Variants in PHF5A observed in about 807,000 individuals in gnomAD.
PHF5A encodes PHD finger-like domain-containing protein 5A.
For missense variants in PHF5A, 24 were observed against 140.6 expected, an observed-to-expected ratio of 0.17 and a Z score of 4.19; for synonymous variants, 52 against 46.0, an observed-to-expected ratio of 1.13 and a Z score of -0.52.
Position 41,467,314 on chromosome 22 carries a change from C to T in PHF5A, c.243+134G>A. The T allele has an allele frequency of 5.6e-6, 5 of 886,172 alleles. No homozygotes were observed. The East Asian group carries it at 1.1e-4, about 20-fold the overall frequency. 54.9% of individuals were successfully genotyped at this position (886,172 alleles called of 1,614,324 possible). A position where few individuals can be genotyped will look rare whatever the true frequency, so the allele number is the denominator to read the frequency against. ...ATTGGACTACACCCAGTTTGACTCA[C>T]AGAACTTGAAGAAATTATAACCTAG... is the stretch of plus-strand genomic sequence containing the variant. On this transcript the variant is annotated intron_variant, in intron 3 of 3. Transcript: ENST00000216252.
At position 41,460,279 on chromosome 22, in the gene PHF5A, A is replaced by G; in HGVS notation, c.*119T>C. On this transcript the variant is annotated 3_prime_UTR_variant, in exon 4 of 4. Transcript: ENST00000216252. ...GGAGGGGGTGGCAAGCTGCCAGTAC[A>G]CTAGCAGGCACTCCTGGTGATGCTC... 1.3e-6 allele frequency: 1 copy of G among 748,616 alleles called. No individual in the cohort carries two copies. Among genetic ancestry groups the G allele is most frequent in the Non-Finnish European group, 2.2e-6 (1 of 462,882 alleles). The allele number at this position is 748,616 out of a possible 1,614,324, so 46.4% of individuals were successfully genotyped here.
chr22:41,467,329 T>G, intron 3 of PHF5A, 119 bp downstream of exon 3: 1 of 1,010,418 alleles, frequency 9.9e-7, no homozygotes, highest in Non-Finnish European at 1.4e-6. Context: ...CTTGAAGAAA[T>G]TATAACCTAG....
intron 3 of PHF5A, among the ~76,000 whole-genome samples, chr22:41,463,138 C>T (rs941089285): frequency 6.6e-6 from 1 of 152,016 alleles, no homozygotes; most frequent in African/African-American, 2.4e-5. Context: ...TCCCAAAGCG[C>T]TGGGATTACA....
chr22:41,463,616 TC>T (rs200502377), intron 3 of PHF5A, among the ~76,000 whole-genome samples: 5 of 58,520 alleles, frequency 8.5e-5, no homozygotes, highest in African/African-American at 2.0e-4. Flanking sequence ...TCCCAGCTAC[TC>T]AGGGGGCTGA....
rs373283292 is a variant in PHF5A at position 41,463,677 on chromosome 22, A to G, written c.244-3190T>C. On this transcript the variant is annotated intron_variant, in intron 3 of 3. Coordinates refer to ENST00000216252, the MANE Select transcript of PHF5A (RefSeq NM_032758.4). ...GAGGCATAGGTTGCAGTGAGCCAAG[A>G]TCACACCACTGCACTCCATCCTGGG... 2.8e-5 allele frequency among the ~76,000 whole-genome samples: 4 copies of G among 143,526 alleles called. No individual in the cohort carries two copies. In the East Asian group the frequency reaches 8.5e-4, roughly 31 times the overall value. 94.2% of individuals were successfully genotyped at this position (143,526 alleles called of 152,430 possible). A position where few individuals can be genotyped will look rare whatever the true frequency, so the allele number is the denominator to read the frequency against.
chr22:41,460,016 A>C lies in PHF5A; in HGVS notation c.*382T>G, dbSNP rs1223633091. On this transcript the variant is annotated 3_prime_UTR_variant, in exon 4 of 4. Coordinates refer to ENST00000216252, the MANE Select transcript of PHF5A (RefSeq NM_032758.4). ...AGCTGCCACCAGAGCTGCTGCAAGA[A>C]CATGTTTTTCACTGGGCGTCGCTTC... 3.3e-5 allele frequency: 5 copies of C among 149,336 alleles called. No individual in the cohort carries two copies. The highest frequency in any genetic ancestry group is 2.0e-4 in the Admixed American group (3 of 14,746). 9.3% of individuals were successfully genotyped at this position (149,336 alleles called of 1,614,324 possible). A position where few individuals can be genotyped will look rare whatever the true frequency, so the allele number is the denominator to read the frequency against.
intron 3 of PHF5A, 146 bp downstream of exon 3, chr22:41,467,302 C>T: frequency 2.6e-6 from 2 of 757,140 alleles, no homozygotes; most frequent in East Asian, 5.7e-5. Context: ...GGACTACACC[C>T]AGTTTGACTC....
In PHF5A at chr22:41,465,709, A is replaced by C. The variant is rs557957623; in HGVS notation, c.243+1739T>G. Among the ~76,000 whole-genome samples, 556 of 152,076 alleles carry C rather than the reference A, an allele frequency of 3.7e-3. 3 individuals are homozygous for C. Among genetic ancestry groups the C allele is most frequent in the Non-Finnish European group, 6.0e-3 (410 of 67,984 alleles). The stretch of plus-strand genomic sequence containing the variant: ...AACCTGGCCAGCATAGTGAAACCCC[A>C]TCTCTACTAAAAATACAAAAACTAG... On this transcript the variant is annotated intron_variant, in intron 3 of 3. Transcript: ENST00000216252.
intron 3 of PHF5A, among the ~76,000 whole-genome samples, chr22:41,463,093 C>T (rs949869534): frequency 2.6e-5 from 4 of 151,682 alleles, no homozygotes; most frequent in African/African-American, 4.8e-5. Context: ...AGTCTGGTCT[C>T]GAACTCCTGA....
At chr22:41,467,673 C>T (rs1480313314) in intron 2 of PHF5A, 59 bp from the exon 3 acceptor site, 4 of 1,569,892 alleles carry the variant, frequency 2.5e-6, no homozygotes, top group East Asian at 2.2e-5. Context: ...CTATCTCCTG[C>T]CATGGGGAAA....
intron 2 of PHF5A, among the ~76,000 whole-genome samples, chr22:41,467,830 G>T (rs1294765396): frequency 2.0e-5 from 3 of 152,202 alleles, no homozygotes; most frequent in African/African-American, 7.2e-5. Context: ...TATGTGAAGA[G>T]CTTAGAAAAG....
chr22:41,465,920 T>C (rs1054403165), intron 3 of PHF5A, among the ~76,000 whole-genome samples: 4 of 151,954 alleles, frequency 2.6e-5, no homozygotes, highest in East Asian at 3.9e-4. Context: ...AAGGACAACA[T>C]AGTGAAATAA....
chr22:41,463,758 G>A (rs2037844957), intron 3 of PHF5A, among the ~76,000 whole-genome samples: 1 of 149,306 alleles, frequency 6.7e-6, no homozygotes, highest in African/African-American at 2.5e-5. Context: ...GCCAGGCATG[G>A]TGGCATGTGC....
At chr22:41,462,719 A>T (rs1198150550) in intron 3 of PHF5A, among the ~76,000 whole-genome samples, 1 of 151,996 alleles carries the variant, frequency 6.6e-6, no homozygotes, top group Non-Finnish European at 1.5e-5. Flanking sequence ...TTCTCTTGGG[A>T]CTTATATTAC....
In PHF5A at chr22:41,467,558, T is replaced by G; in HGVS notation, c.133A>C (p.Ile45Leu). ...GATCCATAGTTACACTCATCACATA[T>G]GCGCACCAGAGTGCAGGGACGCACA... ...SYVRPCTLVR[I>L]CDECNYGSYQ... Residue 45 changes from isoleucine to leucine, a missense_variant, in exon 3 of 4, where the codon ATA (isoleucine) becomes CTA (leucine). By Grantham distance (5) the Ile-to-Leu change is conservative (BLOSUM62 2). Coordinates refer to ENST00000216252, the MANE Select transcript of PHF5A (RefSeq NM_032758.4). 1 of 1,614,196 alleles carries G rather than the reference T, an allele frequency of 6.2e-7. No individual in the cohort carries two copies. Among genetic ancestry groups the G allele is most frequent in the Non-Finnish European group, 8.5e-7 (1 of 1,180,042 alleles).
chr22:41,467,252 T>G (rs145693596), intron 3 of PHF5A, among the ~76,000 whole-genome samples, 196 bp downstream of exon 3: 2 of 152,078 alleles, frequency 1.3e-5, no homozygotes, highest in African/African-American at 4.8e-5. Context: ...TTTGCTTCCC[T>G]TGCATTCTTC....
chr22:41,463,840 G>GC (rs1254173420), intron 3 of PHF5A, among the ~76,000 whole-genome samples: 1 of 151,184 alleles, frequency 6.6e-6, no homozygotes, highest in Non-Finnish European at 1.5e-5. Context: ...ATTGTAATGA[G>GC]CCGAGATCGT....
intron 3 of PHF5A, among the ~76,000 whole-genome samples, chr22:41,464,555 G>A (rs1399035705): frequency 6.6e-6 from 1 of 152,232 alleles, no homozygotes; most frequent in African/African-American, 2.4e-5. Context: ...GTGACATCTA[G>A]AATAAGTCTC....
chr22:41,465,436 T>G (rs1312099130), intron 3 of PHF5A, among the ~76,000 whole-genome samples: 1 of 152,102 alleles, frequency 6.6e-6, no homozygotes, highest in Non-Finnish European at 1.5e-5. Flanking sequence ...GTGCTGGGAT[T>G]GCAGGCATGA....
Sources: allele counts gnomAD v4.1 joint callset (sites outside exome capture counted in the v4.1 genomes callset), GRCh38; gene constraint gnomAD v4.1.1; transcripts MANE v1.5; gene names NCBI Gene and HGNC (gene_info 2026-07-23, HGNC 2026-07-21).